The following ABHD3 variants were observed in gnomAD, a reference collection of about 807,000 sequenced individuals.
ABHD3 encodes abhydrolase domain containing 3, phospholipase.
ABHD3 carries 46 observed loss-of-function variants against 48.8 expected under a neutral mutation model. The ratio of observed to expected loss-of-function variants is 0.94; its 90% CI spans 0.74 to 1.20. The LOEUF (loss-of-function observed/expected upper bound fraction) is 1.20, where lower values mean the gene tolerates loss of function less well. ABHD3 is among the 50% of genes most tolerant of loss of function. The pLI, the probability that ABHD3 is intolerant of heterozygous loss-of-function variation, is 0.00. For synonymous variants in ABHD3, 192 were observed against 183.7 expected, an observed-to-expected ratio of 1.04 and a Z score of -0.36; for missense variants, 490 against 497.8, an observed-to-expected ratio of 0.98 and a Z score of 0.15.
Position 21,672,201 on chromosome 18 carries a change from C to T in ABHD3, c.556-7971G>A, listed in dbSNP as rs181517165. Among the ~76,000 whole-genome samples the T allele has an allele frequency of 5.2e-3, 787 of 152,108 alleles. 5 individuals carry two copies. Among genetic ancestry groups the T allele is most frequent in the Non-Finnish European group, 8.8e-3 (600 of 67,984 alleles). On this transcript the variant is annotated intron_variant, in intron 4 of 8. Coordinates refer to ENST00000289119, the MANE Select transcript of ABHD3 (RefSeq NM_138340.5). ...TTTAAAATTCTTTTCATTAAAAAAA[C>T]AATTTTTGACCTAGACTCAAATTTT...
chr18:21,654,119 T>TG (rs2039291543), intron 8 of ABHD3, among the ~76,000 whole-genome samples: 1 of 151,980 alleles, frequency 6.6e-6, no homozygotes, highest in Non-Finnish European at 1.5e-5. Context: ...CCCAAACTGC[T>TG]GGGATTACAG....
intron 4 of ABHD3, among the ~76,000 whole-genome samples, chr18:21,667,369 C>T (rs1159225272): frequency 4.0e-5 from 6 of 151,644 alleles, no homozygotes; most frequent in African/African-American, 1.2e-4. Context: ...CTCAGCCTCC[C>T]GAGTAGCTGA....
At chr18:21,690,384 T>C (rs1306123808) in intron 3 of ABHD3, among the ~76,000 whole-genome samples, 3 of 150,606 alleles carry the variant, frequency 2.0e-5, no homozygotes, top group South Asian at 2.1e-4. Flanking sequence ...GGCAAATCAC[T>C]TGAGGTCAGG....
At chr18:21,661,517 GCTA>G (rs920654620) in intron 5 of ABHD3, among the ~76,000 whole-genome samples, 4 of 151,714 alleles carry the variant, frequency 2.6e-5, no homozygotes, top group Non-Finnish European at 5.9e-5. Context: ...CGTAATCCTA[GCTA>G]CTCGTGAGGC....
At chr18:21,659,072 C>A in intron 6 of ABHD3, 98 bp downstream of exon 6, 3 of 1,267,414 alleles carry the variant, frequency 2.4e-6, no homozygotes, top group Non-Finnish European at 2.2e-6. Context: ...ATCTCCTGAC[C>A]TCGTGATCCC....
intron 3 of ABHD3, among the ~76,000 whole-genome samples, chr18:21,697,138 C>T (rs986536304): frequency 7.8e-5 from 11 of 141,314 alleles, no homozygotes; most frequent in Admixed American, 7.3e-4. Context: ...TGCAGTGGTG[C>T]GATCTCGGAT....
chr18:21,663,841 T>C (rs1284172191), intron 5 of ABHD3: 2 of 1,518,518 alleles, frequency 1.3e-6, no homozygotes, highest in Non-Finnish European at 1.8e-6. Flanking sequence ...TGGCAGCCGG[T>C]GAGTGATGCA....
intron 3 of ABHD3, among the ~76,000 whole-genome samples, chr18:21,687,815 A>G (rs952839177): frequency 8.5e-5 from 13 of 152,172 alleles, no homozygotes; most frequent in Non-Finnish European, 7.4e-5. Flanking sequence ...GAGTTTCTCA[A>G]TCTTTAGTAC....
chr18:21,651,896 T>C, intron 8 of ABHD3, 133 bp from the exon 9 acceptor site: 1 of 753,304 alleles, frequency 1.3e-6, no homozygotes, highest in Non-Finnish European at 2.0e-6. Context: ...ATTATATAAA[T>C]ATATGTAATG....
chr18:21,699,576 C>T (rs1164784778), intron 3 of ABHD3, among the ~76,000 whole-genome samples: 2 of 152,156 alleles, frequency 1.3e-5, no homozygotes, highest in Non-Finnish European at 2.9e-5. Context: ...GTCTATTTCC[C>T]TACACTTTGA....
intron 6 of ABHD3, among the ~76,000 whole-genome samples, chr18:21,658,534 A>C (rs1387132862): frequency 1.3e-5 from 2 of 152,240 alleles, no homozygotes; most frequent in Non-Finnish European, 2.9e-5. Context: ...ATAATTTAGA[A>C]TGGTGATTAG....
At chr18:21,659,418 C>G in intron 5 of ABHD3, 75 bp from the exon 6 acceptor site, 1 of 1,441,154 alleles carries the variant, frequency 6.9e-7, no homozygotes, top group South Asian at 1.3e-5. Context: ...TAACTACAGA[C>G]TTTATGTTAA....
intron 4 of ABHD3, among the ~76,000 whole-genome samples, chr18:21,672,311 T>C (rs569773747): frequency 3.0e-4 from 45 of 152,366 alleles, no homozygotes; most frequent in African/African-American, 1.0e-3. Flanking sequence ...GTGGAAGCCA[T>C]AACTCAGAAT....
chr18:21,658,397 G>A (rs1469913179), intron 6 of ABHD3, among the ~76,000 whole-genome samples: 1 of 152,142 alleles, frequency 6.6e-6, no homozygotes, highest in Non-Finnish European at 1.5e-5. Context: ...AGCAATGAAA[G>A]TACTTACTAC....
At chr18:21,699,685 T>C (rs1461528796) in intron 3 of ABHD3, among the ~76,000 whole-genome samples, 2 of 152,162 alleles carry the variant, frequency 1.3e-5, no homozygotes, top group African/African-American at 4.8e-5. Flanking sequence ...TGTAATTTTG[T>C]GTGTGTGTCT....
chr18:21,663,736 C>A (rs1342998295), intron 5 of ABHD3: 2 of 1,535,568 alleles, frequency 1.3e-6, no homozygotes, highest in Non-Finnish European at 1.7e-6. Context: ...GTGATTATTT[C>A]TGTAACTGGA....
chr18:21,672,898 T>A (rs2146302765), intron 4 of ABHD3, among the ~76,000 whole-genome samples: 1 of 152,256 alleles, frequency 6.6e-6, no homozygotes, highest in East Asian at 1.9e-4. Context: ...TTGCTAATTT[T>A]AAAAATCAAC....
At chr18:21,694,640 C>T (rs1006279145) in intron 3 of ABHD3, among the ~76,000 whole-genome samples, 1 of 152,150 alleles carries the variant, frequency 6.6e-6, no homozygotes, top group Non-Finnish European at 1.5e-5. Context: ...GCAAAAATCC[C>T]TCGAGTGATC....
At chr18:21,680,623 C>T (rs1259936018) in intron 4 of ABHD3, among the ~76,000 whole-genome samples, 4 of 152,120 alleles carry the variant, frequency 2.6e-5, no homozygotes, top group Non-Finnish European at 2.9e-5. Context: ...CTGTGTAAGA[C>T]TCCAGAGACC....
Sources: gnomAD v4.1 joint callset for allele counts (sites outside exome capture counted in the v4.1 genomes callset) on GRCh38, gnomAD v4.1.1 for gene constraint, MANE v1.5 for transcripts, NCBI Gene and HGNC (gene_info 2026-07-23, HGNC 2026-07-21) for gene names.